SGCD: variants seen among roughly 807,000 people sequenced by gnomAD.
SGCD encodes the protein delta-sarcoglycan.
A neutral mutation model predicts 36.6 loss-of-function variants in SGCD; 18 were observed. The observed-to-expected ratio is 0.49, with a 90% CI of 0.34 to 0.73. SGCD has a LOEUF of 0.73. Ranked by LOEUF, SGCD falls within the 30% of genes least tolerant of loss-of-function variation. The pLI is 0.01. For synonymous variants in SGCD, 133 were observed against 130.6 expected (o/e 1.02, Z -0.12); for missense variants, 387 against 346.7 (o/e 1.12, Z -0.92).
chr5:156,627,174 A>T (rs987622445), intron 6 of SGCD, among the ~76,000 whole-genome samples: 4 of 152,220 alleles, frequency 2.6e-5, no homozygotes, highest in Non-Finnish European at 5.9e-5. Context: ...TGTCAGCTTC[A>T]TCCATTTAGT....
At chr5:156,746,947 G>GA (rs1306442244) in intron 7 of SGCD, among the ~76,000 whole-genome samples, 1 of 151,928 alleles carries the variant, frequency 6.6e-6, no homozygotes, top group African/African-American at 2.4e-5. Context: ...TAGATTGGGA[G>GA]AAAATACTTG....
chr5:156,019,524 T>C (rs1307765556), intron 1 of SGCD, among the ~76,000 whole-genome samples: 1 of 152,214 alleles, frequency 6.6e-6, no homozygotes, highest in Non-Finnish European at 1.5e-5. Context: ...ATTTGATTAT[T>C]GAATAAAGAT....
the SGCD span, among the ~76,000 whole-genome samples, chr5:155,728,346 G>A: frequency 6.6e-6 from 1 of 152,188 alleles, no homozygotes; most frequent in African/African-American, 2.4e-5. Flanking sequence ...GAGCCGGCGA[G>A]ATCGCCCTCC....
the SGCD span, among the ~76,000 whole-genome samples, chr5:155,755,860 A>G: frequency 7.2e-5 from 11 of 152,236 alleles, no homozygotes; most frequent in Non-Finnish European, 1.2e-4. Flanking sequence ...GGTAGTGGGC[A>G]TGCAATTGAT....
chr5:156,691,225 A>AAAAAAAAAG (rs1208953973), intron 7 of SGCD, among the ~76,000 whole-genome samples: 36 of 150,374 alleles, frequency 2.4e-4, no homozygotes, highest in South Asian at 6.4e-4. Context: ...AAAAAAAAAA[A>AAAAAAAAAG]AGAGAGAGAC....
intron 1 of SGCD, among the ~76,000 whole-genome samples, chr5:156,103,941 A>G (rs1376340472): frequency 6.6e-6 from 1 of 152,124 alleles, no homozygotes; most frequent in African/African-American, 2.4e-5. Flanking sequence ...ATTTAGCTGT[A>G]TTATTTAAAG....
At chr5:156,271,293 A>G (rs1299673255) in intron 3 of SGCD, among the ~76,000 whole-genome samples, 1 of 152,150 alleles carries the variant, frequency 6.6e-6, no homozygotes, top group African/African-American at 2.4e-5. Flanking sequence ...CCAGAGTGGA[A>G]AAAAGATTGT....
At chr5:156,039,427 G>A (rs1759582889) in intron 1 of SGCD, among the ~76,000 whole-genome samples, 2 of 145,858 alleles carry the variant, frequency 1.4e-5, no homozygotes, top group South Asian at 2.1e-4. Context: ...ACAAGGAAAG[G>A]AGCAAGCTCC....
chr5:156,102,382 G>A (rs560387830), intron 1 of SGCD, among the ~76,000 whole-genome samples: 3 of 152,126 alleles, frequency 2.0e-5, no homozygotes, highest in South Asian at 2.1e-4. Context: ...GTTCTCTCAT[G>A]TGGGAGAATG....
chr5:155,753,795 C>G, the SGCD span, among the ~76,000 whole-genome samples: 1 of 151,818 alleles, frequency 6.6e-6, no homozygotes, highest in Non-Finnish European at 1.5e-5. Context: ...TGTAGAGGCT[C>G]TATTATACCC....
At chr5:156,581,712 G>A (rs150067924) in intron 4 of SGCD, among the ~76,000 whole-genome samples, 335 of 152,330 alleles carry the variant, frequency 2.2e-3, no homozygotes, top group African/African-American at 7.6e-3. Context: ...CTCTGTGGGT[G>A]TGGGACCTGC....
intron 4 of SGCD, among the ~76,000 whole-genome samples, chr5:156,572,566 G>C (rs1347025061): frequency 6.6e-6 from 1 of 152,046 alleles, no homozygotes; most frequent in Admixed American, 6.6e-5. Context: ...ATCAAAACAT[G>C]ACCTGATCTC....
At chr5:155,770,872 CATT>C in the SGCD span, among the ~76,000 whole-genome samples, 1 of 152,210 alleles carries the variant, frequency 6.6e-6, no homozygotes, top group South Asian at 2.1e-4. Flanking sequence ...ATTTTCAGTT[CATT>C]AATCACATAC....
chr5:156,622,004 C>G (rs542215601), intron 6 of SGCD, among the ~76,000 whole-genome samples: 1 of 152,080 alleles, frequency 6.6e-6, no homozygotes, highest in Non-Finnish European at 1.5e-5. Context: ...AGCTCTAAAC[C>G]CAGACAATCA....
chr5:156,500,484 C>G (rs991755816), intron 3 of SGCD, among the ~76,000 whole-genome samples: 1 of 152,136 alleles, frequency 6.6e-6, no homozygotes, highest in African/African-American at 2.4e-5. Flanking sequence ...TAAAACAGGT[C>G]TTGGCATTAC....
At chr5:156,250,550 T>TTTGAGCCAGTTTG (rs1765549243) in intron 3 of SGCD, among the ~76,000 whole-genome samples, 1 of 152,108 alleles carries the variant, frequency 6.6e-6, no homozygotes, top group Admixed American at 6.5e-5. Flanking sequence ...CTCACACTGC[T>TTTGAGCCAGTTTG]CTAGTCCAGT....
intron 1 of SGCD, among the ~76,000 whole-genome samples, chr5:156,040,656 G>C (rs1759612221): frequency 6.6e-6 from 1 of 152,156 alleles, no homozygotes; most frequent in South Asian, 2.1e-4. Flanking sequence ...ATAGGCCTAG[G>C]TGGTGTGGTG....
intron 6 of SGCD, among the ~76,000 whole-genome samples, chr5:156,609,392 T>C (rs982959803): frequency 6.6e-6 from 1 of 152,236 alleles, no homozygotes; most frequent in East Asian, 1.9e-4. Flanking sequence ...TTCTGGCTTG[T>C]AGAGTTTCTG....
chr5:156,427,510 A>T (rs750775360), intron 3 of SGCD, among the ~76,000 whole-genome samples: 4 of 152,038 alleles, frequency 2.6e-5, no homozygotes, highest in Non-Finnish European at 4.4e-5. Flanking sequence ...CCTGTTTTCC[A>T]ATTCGGAGGC....
Sources: gnomAD v4.1 joint callset for allele counts (sites outside exome capture counted in the v4.1 genomes callset) on GRCh38, gnomAD v4.1.1 for gene constraint, MANE v1.5 for transcripts, NCBI Gene and HGNC (gene_info 2026-07-23, HGNC 2026-07-21) for gene names.